Variants in IGF1R observed in about 807,000 individuals in gnomAD.
IGF1R encodes the protein insulin-like growth factor 1 receptor.
A neutral mutation model predicts 144.6 loss-of-function variants in IGF1R; 44 were observed. The observed-to-expected ratio is 0.30, with a 90% CI of 0.24 to 0.39. The LOEUF (loss-of-function observed/expected upper bound fraction) is 0.39, where lower values mean the gene tolerates loss of function less well. IGF1R is among the 10% of genes least tolerant of loss of function. IGF1R has a pLI of 1.00. For synonymous variants in IGF1R, 795 were observed against 722.8 expected, an observed-to-expected ratio of 1.10 and a Z score of -1.60; for missense variants, 1,355 against 1,833.7, an observed-to-expected ratio of 0.74 and a Z score of 4.77.
intron 2 of IGF1R, among the ~76,000 whole-genome samples, chr15:98,766,198 T>A (rs540493975): frequency 6.6e-6 from 1 of 152,288 alleles, no homozygotes; most frequent in East Asian, 1.9e-4. Context: ...TGAATCAGAA[T>A]TCCCCTAATT....
chr15:98,648,924 C>G lies in IGF1R; in HGVS notation c.-658C>G, dbSNP rs1349890717. ...AGAGCCGGGCGGCGCGGCGGGAGTG[C>G]TGAGCGCGGCGCGGCCGGCCCGCCG... On this transcript the variant is annotated 5_prime_UTR_variant, in exon 1 of 21. Transcript: ENST00000650285. 2.9e-5 allele frequency: 5 copies of G among 172,186 alleles called. No homozygotes were observed. Among genetic ancestry groups the G allele is most frequent in the South Asian group, 3.7e-4 (2 of 5,476 alleles). The allele number at this position is 172,186 out of a possible 1,614,324, so 10.7% of individuals were successfully genotyped here.
chr15:98,722,405 A>G (rs148842939), intron 2 of IGF1R, among the ~76,000 whole-genome samples: 194 of 152,314 alleles, frequency 1.3e-3, no homozygotes, highest in Middle Eastern at 0.01. Flanking sequence ...CGAACACTGT[A>G]TACAAGGCCC....
chr15:98,821,684 A>C (rs1249132165), intron 2 of IGF1R, among the ~76,000 whole-genome samples: 2 of 152,202 alleles, frequency 1.3e-5, no homozygotes, highest in Middle Eastern at 6.3e-3. Flanking sequence ...TAGTGATGAG[A>C]ATGGGACAGC....
chr15:98,656,879 TC>T (rs2052498506), intron 1 of IGF1R, among the ~76,000 whole-genome samples: 1 of 152,274 alleles, frequency 6.6e-6, no homozygotes, highest in Non-Finnish European at 1.5e-5. Flanking sequence ...TCAACCATTT[TC>T]TTTTTAACAT....
intron 2 of IGF1R, among the ~76,000 whole-genome samples, chr15:98,758,548 A>G (rs1200679421): frequency 2.6e-5 from 4 of 152,218 alleles, no homozygotes; most frequent in East Asian, 1.9e-4. Flanking sequence ...TTCCGACAAC[A>G]TAAGGCTTGG....
intron 13 of IGF1R, among the ~76,000 whole-genome samples, chr15:98,925,316 G>T (rs1269603570): frequency 1.3e-5 from 2 of 152,226 alleles, no homozygotes; most frequent in South Asian, 2.1e-4. Context: ...TCTGTGTGAT[G>T]ACTTCAGATT....
intron 2 of IGF1R, among the ~76,000 whole-genome samples, chr15:98,769,547 A>G (rs766917826): frequency 1.3e-5 from 2 of 152,224 alleles, no homozygotes; most frequent in Non-Finnish European, 2.9e-5. Context: ...TAGACTTGGT[A>G]AGAAGTATAT....
intron 2 of IGF1R, among the ~76,000 whole-genome samples, chr15:98,848,882 A>G (rs1455654951): frequency 6.6e-6 from 1 of 152,246 alleles, no homozygotes; most frequent in Non-Finnish European, 1.5e-5. Context: ...AAAAAGAGAA[A>G]ACACCTTAAG....
intron 6 of IGF1R, 42 bp downstream of exon 6, chr15:98,908,941 G>A (rs192254166): frequency 4.0e-5 from 61 of 1,543,792 alleles, no homozygotes; most frequent in Non-Finnish European, 5.2e-5. Flanking sequence ...CAACCATCAT[G>A]ATAACAGCAG....
At chr15:98,729,434 A>G (rs907799) in intron 2 of IGF1R, among the ~76,000 whole-genome samples, 47,334 of 152,052 alleles carry the variant, frequency 0.31, 7,540 homozygotes, top group South Asian at 0.38. Context: ...ACTGTTTGGA[A>G]TTTTTTAACC....
chr15:98,653,884 C>T (rs2052426144), intron 1 of IGF1R, among the ~76,000 whole-genome samples: 1 of 152,184 alleles, frequency 6.6e-6, no homozygotes, highest in African/African-American at 2.4e-5. Flanking sequence ...ACGGTGGTTT[C>T]CTTTTAAATC....
rs781148431 is a variant in IGF1R at position 98,935,003 on chromosome 15, G to A, written c.3136G>A (p.Glu1046Lys). The A allele has an allele frequency of 1.2e-6, 2 of 1,614,138 alleles. No homozygotes were observed. Among genetic ancestry groups the A allele is most frequent in the Non-Finnish European group, 1.7e-6 (2 of 1,180,012 alleles). Residue 1046 changes from glutamate (E) to lysine (K), a missense_variant, in exon 16 of 21, where the codon GAG (glutamate) becomes AAG (lysine). Around this residue, in one of 7 missense-constraint regions of IGF1R, gnomAD observed 880 missense variants for 1,202.7 expected, o/e 0.73. Transcript: ENST00000650285. This position sits in a 1 kb window ranked among gnomAD's most constrained non-coding sequence, Gnocchi z 4.2. ...NEAASMRERI[E>K]FLNEASVMKE... ...GGCCGCAAGCATGCGTGAGAGGATT[G>A]AGTTTCTCAACGAAGCTTCTGTGAT...
At chr15:98,784,669 C>T (rs1002702905) in intron 2 of IGF1R, among the ~76,000 whole-genome samples, 4 of 151,882 alleles carry the variant, frequency 2.6e-5, no homozygotes, top group Admixed American at 6.6e-5. Flanking sequence ...TCTACATCTG[C>T]GGATTCCTTC....
At chr15:98,870,429 A>C (rs2012723947) in intron 2 of IGF1R, among the ~76,000 whole-genome samples, 1 of 152,212 alleles carries the variant, frequency 6.6e-6, no homozygotes, top group Non-Finnish European at 1.5e-5. Context: ...GAATGATGAC[A>C]TCCAGCAGGC....
intron 2 of IGF1R, among the ~76,000 whole-genome samples, chr15:98,782,250 CATTTTGGGATGA>C (rs1232325778): frequency 1.3e-5 from 2 of 152,018 alleles, no homozygotes; most frequent in East Asian, 3.8e-4. Flanking sequence ...TGAATATGTC[CATTTTGGGATGA>C]AAGGAAGCAG....
At chr15:98,838,597 T>C (rs2011125986) in intron 2 of IGF1R, among the ~76,000 whole-genome samples, 1 of 152,234 alleles carries the variant, frequency 6.6e-6, no homozygotes, top group African/African-American at 2.4e-5. Context: ...GTCAAGACTT[T>C]TCCAGTACTC....
rs45501096 is a variant in IGF1R, at chr15:98,935,804, C to T, written c.3297+378C>T. 1.1e-3 allele frequency among the ~76,000 whole-genome samples: 171 copies of T among 152,236 alleles called. No individual in the cohort carries two copies. The highest frequency in any genetic ancestry group is 3.9e-3 in the African/African-American group (163 of 41,552). Reference sequence around the variant, plus strand: ...TATCTTCTCTGCTAACTTCTCGATGCGCTTGACTCACATCCTCGTATGTGT... The same window carrying T: ...TATCTTCTCTGCTAACTTCTCGATGTGCTTGACTCACATCCTCGTATGTGT... On this transcript the variant is annotated intron_variant, in intron 17 of 20. Transcript: ENST00000650285. This position sits in a 1 kb window ranked among gnomAD's most constrained non-coding sequence, Gnocchi z 4.2.
intron 2 of IGF1R, among the ~76,000 whole-genome samples, chr15:98,878,681 A>C (rs867115843): frequency 8.9e-5 from 11 of 124,168 alleles, no homozygotes; most frequent in East Asian, 3.0e-4. Flanking sequence ...AAAAAAAAAA[A>C]AAAAAAAAAA....
intron 1 of IGF1R, among the ~76,000 whole-genome samples, chr15:98,699,361 T>G (rs1296984337): frequency 6.6e-6 from 1 of 152,198 alleles, no homozygotes; most frequent in East Asian, 1.9e-4. Context: ...TCCTGCTTCA[T>G]CGAGAAGCCA....
Sources: allele counts gnomAD v4.1 joint callset (sites outside exome capture counted in the v4.1 genomes callset), GRCh38; gene constraint gnomAD v4.1.1; regional missense constraint gnomAD v4.1.1; non-coding constraint Gnocchi (gnomAD v3.1); transcripts MANE v1.5; gene names NCBI Gene and HGNC (gene_info 2026-07-23, HGNC 2026-07-21).